The following NBEA variants were observed in gnomAD, a reference collection of about 807,000 sequenced individuals.
The protein encoded by NBEA is neurobeachin.
In NBEA, 44 loss-of-function variants were observed where a neutral mutation model predicts 343.4. The ratio of observed to expected loss-of-function variants is 0.13; its 90% confidence interval spans 0.10 to 0.16. The LOEUF (loss-of-function observed/expected upper bound fraction) is 0.16. Among genes scored for constraint, NBEA ranks in the 10% least tolerant of loss-of-function variants. The pLI is 1.00. For missense variants in NBEA, 2,555 were observed against 3,631.3 expected, an observed-to-expected ratio of 0.70 and a Z score of 7.62; for synonymous variants, 1,175 against 1,238.7, an observed-to-expected ratio of 0.95 and a Z score of 1.08.
intron 1 of NBEA, among the ~76,000 whole-genome samples, chr13:34,996,715 A>T (rs1299349616): frequency 2.0e-5 from 3 of 152,068 alleles, no homozygotes; most frequent in African/African-American, 7.2e-5. Context: ...TCTGAACATG[A>T]GTTGTACATT....
chr13:35,274,668 T>C (rs147669838), intron 34 of NBEA, among the ~76,000 whole-genome samples: 1 of 152,294 alleles, frequency 6.6e-6, no homozygotes, highest in African/African-American at 2.4e-5. Flanking sequence ...CAGCAAAGAC[T>C]CAGGTACAAA....
chr13:35,367,641 A>G (rs755328193), intron 38 of NBEA, among the ~76,000 whole-genome samples: 18 of 151,302 alleles, frequency 1.2e-4, no homozygotes, highest in Non-Finnish European at 1.9e-4. Flanking sequence ...CTATTGATAA[A>G]GATACCATTC....
intron 49 of NBEA, among the ~76,000 whole-genome samples, chr13:35,639,956 C>CA (rs1256138156): frequency 0.058 from 3,621 of 62,944 alleles, 111 homozygotes; most frequent in African/African-American, 0.11. Flanking sequence ...TTACATTTAC[C>CA]AAAAAAAAAA....
chr13:35,537,415 C>T (rs1420995226), intron 41 of NBEA, among the ~76,000 whole-genome samples: 1 of 151,546 alleles, frequency 6.6e-6, no homozygotes, highest in East Asian at 1.9e-4. Flanking sequence ...TACTGAGTTT[C>T]GACAACATAC....
intron 38 of NBEA, among the ~76,000 whole-genome samples, chr13:35,398,708 C>T (rs2042861614): frequency 6.6e-6 from 1 of 151,954 alleles, no homozygotes; most frequent in African/African-American, 2.4e-5. Context: ...TATGCTGTCA[C>T]TAGGCTTGAT....
intron 39 of NBEA, 34 bp downstream of exon 39, chr13:35,432,427 CTG>C: frequency 1.3e-6 from 2 of 1,531,838 alleles, no homozygotes; most frequent in Non-Finnish European, 1.8e-6. Context: ...AAAAATACTT[CTG>C]GATGTGAGGT....
intron 1 of NBEA, among the ~76,000 whole-genome samples, chr13:34,983,704 G>T (rs1286604953): frequency 1.3e-5 from 2 of 152,048 alleles, no homozygotes. Flanking sequence ...ACTTTCTAAT[G>T]ATCGCCATTC....
Position 34,994,888 on chromosome 13 carries a change from G to A in NBEA, c.295-46045G>A, listed in dbSNP as rs556031907. ...GTATCTGACATGGTAGGTATTATGG[G>A]CAAATGATAATGTTCGTATTTGAAT... On this transcript the variant is annotated intron_variant, in intron 1 of 58. Coordinates refer to ENST00000379939, the MANE Select transcript of NBEA (RefSeq NM_001385012.1). 4.6e-5 allele frequency among the ~76,000 whole-genome samples: 7 copies of A among 152,264 alleles called. No individual in the cohort carries two copies. In the South Asian group the frequency reaches 8.3e-4, roughly 18 times the overall value.
chr13:35,277,211 C>CA (rs1298104843), intron 34 of NBEA, among the ~76,000 whole-genome samples: 5 of 151,822 alleles, frequency 3.3e-5, no homozygotes, highest in African/African-American at 4.8e-5. Context: ...AGTACATACA[C>CA]AAAAAAACCA....
chr13:35,235,504 A>C (rs948455458), intron 34 of NBEA, among the ~76,000 whole-genome samples: 14 of 152,226 alleles, frequency 9.2e-5, no homozygotes, highest in African/African-American at 3.4e-4. Flanking sequence ...TAATGTTAGT[A>C]GTGAGTCCTG....
chr13:35,596,078 A>G (rs1026645237), intron 47 of NBEA, among the ~76,000 whole-genome samples: 1 of 151,290 alleles, frequency 6.6e-6, no homozygotes, highest in African/African-American at 2.4e-5. Context: ...GGTTCGTTTA[A>G]TGTGTGTGTG....
intron 33 of NBEA, among the ~76,000 whole-genome samples, chr13:35,215,326 T>G (rs1360211829): frequency 6.6e-6 from 1 of 151,686 alleles, no homozygotes; most frequent in East Asian, 1.9e-4. Flanking sequence ...GTAGTTTTCA[T>G]TGTAAAACTC....
intron 38 of NBEA, among the ~76,000 whole-genome samples, chr13:35,406,831 G>T (rs1026430168): frequency 2.0e-5 from 3 of 151,912 alleles, no homozygotes; most frequent in Non-Finnish European, 2.9e-5. Context: ...TATAAATATT[G>T]TGAATAAATA....
intron 8 of NBEA, among the ~76,000 whole-genome samples, chr13:35,067,204 T>A (rs1593238148): frequency 6.6e-6 from 1 of 152,118 alleles, no homozygotes; most frequent in Non-Finnish European, 1.5e-5. Context: ...TTTATAGATT[T>A]TGTTATATTG....
chr13:35,609,146 G>A (rs571555393), intron 48 of NBEA, among the ~76,000 whole-genome samples: 1 of 152,154 alleles, frequency 6.6e-6, no homozygotes, highest in Non-Finnish European at 1.5e-5. Context: ...AAATAGAGTG[G>A]TTATCTTTAT....
intron 1 of NBEA, among the ~76,000 whole-genome samples, chr13:34,947,950 G>A (rs2059237168): frequency 1.3e-5 from 2 of 152,106 alleles, no homozygotes; most frequent in Non-Finnish European, 2.9e-5. Context: ...ATTTTGAACT[G>A]GCATCTGTTA....
At chr13:35,237,335 G>GT (rs1369747805) in intron 34 of NBEA, among the ~76,000 whole-genome samples, 1 of 152,184 alleles carries the variant, frequency 6.6e-6, no homozygotes, top group Non-Finnish European at 1.5e-5. Context: ...AGACCTAGGA[G>GT]TTTGCTGCTG....
chr13:35,483,882 A>G (rs575463554), intron 41 of NBEA, among the ~76,000 whole-genome samples: 1 of 152,002 alleles, frequency 6.6e-6, no homozygotes, highest in Non-Finnish European at 1.5e-5. Flanking sequence ...CACACACACA[A>G]AAACACCAGT....
intron 1 of NBEA, among the ~76,000 whole-genome samples, chr13:34,992,576 G>A (rs111795525): frequency 4.3e-4 from 66 of 151,894 alleles, no homozygotes; most frequent in Non-Finnish European, 7.5e-4. Context: ...ATAAATAAGA[G>A]TTAAACATTT....
Sources: allele counts gnomAD v4.1 joint callset (sites outside exome capture counted in the v4.1 genomes callset), GRCh38; gene constraint gnomAD v4.1.1; transcripts MANE v1.5; gene names NCBI Gene and HGNC (gene_info 2026-07-23, HGNC 2026-07-21).